TIMMDC1: variants seen among roughly 807,000 people sequenced by gnomAD.
The protein encoded by TIMMDC1 is translocase of inner mitochondrial membrane domain containing 1.
A neutral mutation model predicts 32.6 loss-of-function variants in TIMMDC1; 25 were observed. The ratio of observed to expected loss-of-function variants is 0.77; its 90% CI spans 0.56 to 1.07. TIMMDC1 has a LOEUF of 1.07. TIMMDC1 is among the 50% of genes least tolerant of loss of function. The probability of loss-of-function intolerance (pLI) is 0.00; values close to 1 mark genes in which losing one functional copy is unlikely to be tolerated. For synonymous variants in TIMMDC1, 130 were observed against 127.6 expected (o/e 1.02, Z -0.13); for missense variants, 329 against 349.2 (o/e 0.94, Z 0.46).
chr3:119,516,459 A>G (rs910364626), intron 5 of TIMMDC1, among the ~76,000 whole-genome samples: 5 of 152,142 alleles, frequency 3.3e-5, no homozygotes, highest in African/African-American at 9.7e-5. Flanking sequence ...ATAATACTCC[A>G]TTGTATGTGT....
chr3:119,501,787 A>G (rs1433310689), intron 2 of TIMMDC1, among the ~76,000 whole-genome samples: 6 of 152,170 alleles, frequency 3.9e-5, no homozygotes, highest in African/African-American at 9.6e-5. Context: ...CTTTGGTCTC[A>G]TTTAGTCTGG....
chr3:119,511,425 C>G (rs917245217), intron 4 of TIMMDC1, among the ~76,000 whole-genome samples: 2 of 151,262 alleles, frequency 1.3e-5, no homozygotes, highest in African/African-American at 4.9e-5. Flanking sequence ...TGCAGTGAGC[C>G]AAGATCATGC....
intron 1 of TIMMDC1, among the ~76,000 whole-genome samples, chr3:119,499,887 T>C (rs2107725634): frequency 6.6e-6 from 1 of 152,374 alleles, no homozygotes; most frequent in Non-Finnish European, 1.5e-5. Context: ...TTATTTTAGA[T>C]TGGCATGTGC....
In TIMMDC1 at chr3:119,500,912, C is replaced by T. The variant is rs760088960; in HGVS notation, c.360+52C>T. 8 of 1,548,160 alleles carry T rather than the reference C, an allele frequency of 5.2e-6. No homozygotes were observed. In the African/African-American group the frequency reaches 9.6e-5, roughly 19 times the overall value. On this transcript the variant is annotated intron_variant, in intron 2 of 6. Coordinates refer to ENST00000494664, the MANE Select transcript of TIMMDC1 (RefSeq NM_016589.4). ...TGGGGCACACTGACTTAGTAATTCA[C>T]TTTACACTTAATCATTCAATTAGGT...
At chr3:119,502,856 AG>A (rs2081889459) in intron 2 of TIMMDC1, among the ~76,000 whole-genome samples, 2 of 152,140 alleles carry the variant, frequency 1.3e-5, no homozygotes, top group African/African-American at 4.8e-5. Context: ...CACCATACCC[AG>A]GCAGTTTTAG....
intron 5 of TIMMDC1, among the ~76,000 whole-genome samples, chr3:119,515,492 T>C (rs1029593776): frequency 1.4e-4 from 21 of 152,222 alleles, no homozygotes; most frequent in African/African-American, 5.1e-4. Context: ...TATCTCAGAT[T>C]CAACTAATTA....
chr3:119,515,225 A>AG, intron 5 of TIMMDC1, among the ~76,000 whole-genome samples: 1 of 144,022 alleles, frequency 6.9e-6, no homozygotes, highest in Admixed American at 7.0e-5. Context: ...AAAAAAAAAA[A>AG]GAGGAAAAAC....
rs199712668 is a variant in TIMMDC1 at position 119,500,795 on chromosome 3, C to T, written c.295C>T (p.His99Tyr). 38 of 1,614,074 alleles carry T rather than the reference C, an allele frequency of 2.4e-5. No individual in the cohort carries two copies. In the African/African-American group the frequency reaches 4.3e-4, roughly 18 times the overall value. Residue 99 changes from histidine to tyrosine, a missense_variant, in exon 2 of 7, where the codon CAT (histidine) becomes TAT (tyrosine). Physicochemically the swap from His to Tyr is moderately conservative, Grantham distance 83. Transcript: ENST00000494664. ...WVYGGIPAFI[H>Y]AKQQYIEQSQ... ...GTATGGGGGAATACCAGCTTTTATT[C>T]ATGCTAAACAACAATACATTGAGCA... is the stretch of plus-strand genomic sequence containing the variant.
chr3:119,506,958 G>T (rs577004483), intron 4 of TIMMDC1, among the ~76,000 whole-genome samples: 1 of 152,210 alleles, frequency 6.6e-6, no homozygotes, highest in African/African-American at 2.4e-5. Context: ...CAGATCATTT[G>T]TCAGCCTCAG....
chr3:119,503,950 C>T lies in TIMMDC1; in HGVS notation c.450-4C>T. The T allele has an allele frequency of 6.2e-7, 1 of 1,611,130 alleles. No homozygotes were observed. Among genetic ancestry groups the T allele is most frequent in the Non-Finnish European group, 8.5e-7 (1 of 1,177,998 alleles). On this transcript the variant is annotated splice_polypyrimidine_tract_variant and splice_region_variant and intron_variant, in intron 3 of 6. Coordinates refer to ENST00000494664, the MANE Select transcript of TIMMDC1 (RefSeq NM_016589.4). ...ATATTTTCCTTCTCCTCCCTTTTTACCAGCACAGTGAACACTAGTCTGAAT... is the reference window on the plus strand; with the variant it reads ...ATATTTTCCTTCTCCTCCCTTTTTATCAGCACAGTGAACACTAGTCTGAAT...
At chr3:119,503,422 CTGTT>C (rs1402564579) in intron 2 of TIMMDC1, 106 bp from the exon 3 acceptor site, 2 of 683,426 alleles carry the variant, frequency 2.9e-6, no homozygotes, top group Non-Finnish European at 4.8e-6. Flanking sequence ...GTATTTCTAT[CTGTT>C]TGGGTGTACC....
chr3:119,509,163 G>C (rs113381997), intron 4 of TIMMDC1, among the ~76,000 whole-genome samples: 1 of 151,918 alleles, frequency 6.6e-6, no homozygotes, highest in East Asian at 1.9e-4. Context: ...CTGAGATCGC[G>C]CCACTGCACT....
chr3:119,504,937 G>T (rs1221805416), intron 4 of TIMMDC1, among the ~76,000 whole-genome samples: 2 of 152,076 alleles, frequency 1.3e-5, no homozygotes, highest in Non-Finnish European at 2.9e-5. Context: ...AATTAGCTGG[G>T]TGTGGTGGCA....
chr3:119,499,550 T>C lies in TIMMDC1; in HGVS notation c.194+623T>C, dbSNP rs2081853935. Among the ~76,000 whole-genome samples, 5 of 152,134 alleles carry C rather than the reference T, an allele frequency of 3.3e-5. No homozygotes were observed. In the South Asian group the frequency reaches 1.0e-3, roughly 32 times the overall value. ...CTCCTGCCTCAGCCTCCAGAGTAGC[T>C]GGGATTACAGTTGCCCACTACCATG... On this transcript the variant is annotated intron_variant, in intron 1 of 6. Transcript: ENST00000494664.
chr3:119,502,123 A>G (rs560203939), intron 2 of TIMMDC1, among the ~76,000 whole-genome samples: 3 of 152,136 alleles, frequency 2.0e-5, no homozygotes, highest in Non-Finnish European at 4.4e-5. Flanking sequence ...CTTTTCATCA[A>G]ATTTCTACTA....
chr3:119,519,176 G>A (rs772572207), intron 6 of TIMMDC1, among the ~76,000 whole-genome samples: 2 of 151,834 alleles, frequency 1.3e-5, no homozygotes, highest in Non-Finnish European at 2.9e-5. Context: ...AAAATAAGAG[G>A]GGAAGAAAGG....
chr3:119,520,281 C>A (rs549560167), intron 6 of TIMMDC1, among the ~76,000 whole-genome samples: 37 of 151,820 alleles, frequency 2.4e-4, no homozygotes, highest in Non-Finnish European at 4.9e-4. Context: ...GAAATAGAGA[C>A]TTAAAAACAA....
intron 2 of TIMMDC1, among the ~76,000 whole-genome samples, chr3:119,502,294 A>G (rs1355024510): frequency 1.3e-5 from 2 of 151,714 alleles, no homozygotes; most frequent in East Asian, 3.9e-4. Context: ...CAGTGGCACA[A>G]TCTTGGCTTG....
intron 4 of TIMMDC1, among the ~76,000 whole-genome samples, chr3:119,511,248 C>T (rs1490065336): frequency 6.6e-6 from 1 of 151,796 alleles, no homozygotes; most frequent in African/African-American, 2.4e-5. Context: ...GAAGCTGAGG[C>T]GGGTGGATCA....
Sources: gnomAD v4.1 joint callset for allele counts (sites outside exome capture counted in the v4.1 genomes callset) on GRCh38, gnomAD v4.1.1 for gene constraint, MANE v1.5 for transcripts, NCBI Gene and HGNC (gene_info 2026-07-23, HGNC 2026-07-21) for gene names.